The following ADAMTS6 variants were observed in gnomAD, a reference collection of about 807,000 sequenced individuals.
ADAMTS6 encodes the protein A disintegrin and metalloproteinase with thrombospondin motifs 6.
A neutral mutation model predicts 144.3 loss-of-function variants in ADAMTS6; 23 were observed. The ratio of observed to expected loss-of-function variants is 0.16; its 90% CI spans 0.11 to 0.23. ADAMTS6 has a LOEUF of 0.23. ADAMTS6 is among the 10% of genes least tolerant of loss of function. ADAMTS6 has a pLI of 1.00. For synonymous variants in ADAMTS6, 444 were observed against 457.5 expected (o/e 0.97, Z 0.38); for missense variants, 999 against 1,379.6 (o/e 0.72, Z 4.37).
intron 11 of ADAMTS6, among the ~76,000 whole-genome samples, chr5:65,273,984 C>T (rs1249586666): frequency 6.6e-6 from 1 of 152,058 alleles, no homozygotes; most frequent in Non-Finnish European, 1.5e-5. Context: ...TTCATATACG[C>T]CTAGGCACAA....
chr5:65,380,275 TAAAA>T (rs142370196), intron 7 of ADAMTS6, among the ~76,000 whole-genome samples: 1,859 of 152,078 alleles, frequency 0.012, 23 homozygotes, highest in East Asian at 0.077. Flanking sequence ...ATACTACCTT[TAAAA>T]ATATACTGGG....
At chr5:65,263,504 AAAGTAATGCC>A (rs1761374512) in intron 12 of ADAMTS6, among the ~76,000 whole-genome samples, 1 of 152,080 alleles carries the variant, frequency 6.6e-6, no homozygotes, top group Non-Finnish European at 1.5e-5. Flanking sequence ...AGACATAATA[AAAGTAATGCC>A]AAGACATTAG....
At chr5:65,373,753 T>A (rs1406474783) in intron 7 of ADAMTS6, among the ~76,000 whole-genome samples, 1 of 152,174 alleles carries the variant, frequency 6.6e-6, no homozygotes, top group Non-Finnish European at 1.5e-5. Flanking sequence ...CCGTAACTCA[T>A]TTTATGAGGC....
At chr5:65,382,318 A>C (rs1205629422) in intron 7 of ADAMTS6, among the ~76,000 whole-genome samples, 1 of 152,222 alleles carries the variant, frequency 6.6e-6, no homozygotes, top group Non-Finnish European at 1.5e-5. Flanking sequence ...ATTAGTCATT[A>C]CCTGACTTGG....
intron 7 of ADAMTS6, among the ~76,000 whole-genome samples, chr5:65,347,361 A>G (rs747651343): frequency 7.2e-5 from 11 of 152,068 alleles, no homozygotes; most frequent in Non-Finnish European, 1.3e-4. Context: ...TTTATACTCA[A>G]TTGATCTTTG....
At chr5:65,478,548 T>C (rs1237373017) in intron 1 of ADAMTS6, among the ~76,000 whole-genome samples, 1 of 152,200 alleles carries the variant, frequency 6.6e-6, no homozygotes, top group Admixed American at 6.5e-5. Context: ...ACGTAAAGTG[T>C]CTCTGTACTT....
intron 7 of ADAMTS6, among the ~76,000 whole-genome samples, chr5:65,339,575 G>C (rs1346388297): frequency 6.6e-6 from 1 of 151,300 alleles, no homozygotes; most frequent in Non-Finnish European, 1.5e-5. Context: ...CTTAAGGAAA[G>C]TGAGATATAA....
At chr5:65,271,604 G>T (rs957233902) in intron 12 of ADAMTS6, among the ~76,000 whole-genome samples, 1 of 152,052 alleles carries the variant, frequency 6.6e-6, no homozygotes, top group South Asian at 2.1e-4. Flanking sequence ...TATTAAATAC[G>T]TATTTACAAT....
chr5:65,261,506 A>T (rs1467441015), intron 13 of ADAMTS6, among the ~76,000 whole-genome samples: 2 of 152,214 alleles, frequency 1.3e-5, no homozygotes, highest in Admixed American at 6.6e-5. Context: ...AGTTGAACTT[A>T]CGTTAGTTAT....
intron 7 of ADAMTS6, among the ~76,000 whole-genome samples, chr5:65,334,902 A>G (rs1452117927): frequency 6.6e-6 from 1 of 152,180 alleles, no homozygotes; most frequent in Non-Finnish European, 1.5e-5. Context: ...AAGTTTCTAA[A>G]GTGAGAGTAA....
At chr5:65,352,858 T>A (rs540114369) in intron 7 of ADAMTS6, among the ~76,000 whole-genome samples, 102 of 152,164 alleles carry the variant, frequency 6.7e-4, no homozygotes, top group African/African-American at 2.4e-3. Context: ...TATTTACCAA[T>A]AAATCCACCC....
At chr5:65,285,637 AG>A (rs1220237749) in intron 11 of ADAMTS6, among the ~76,000 whole-genome samples, 1 of 152,166 alleles carries the variant, frequency 6.6e-6, no homozygotes, top group Non-Finnish European at 1.5e-5. Context: ...AATACTTTCT[AG>A]GGGGGAAAGT....
intron 7 of ADAMTS6, among the ~76,000 whole-genome samples, chr5:65,351,776 C>A (rs1748865804): frequency 6.7e-6 from 1 of 150,178 alleles, no homozygotes; most frequent in South Asian, 2.1e-4. Context: ...CCAGCTCAGG[C>A]AACACAGAGA....
intron 7 of ADAMTS6, among the ~76,000 whole-genome samples, chr5:65,428,544 AG>A (rs1249356819): frequency 1.3e-5 from 2 of 152,224 alleles, no homozygotes; most frequent in Non-Finnish European, 2.9e-5. Flanking sequence ...AGGAAAAACC[AG>A]GGGGACCTTC....
At chr5:65,162,940 C>G (rs1752878047) in intron 24 of ADAMTS6, among the ~76,000 whole-genome samples, 1 of 152,106 alleles carries the variant, frequency 6.6e-6, no homozygotes, top group Non-Finnish European at 1.5e-5. Context: ...GACAGAGTCT[C>G]AGTCTGTTGC....
At chr5:65,335,705 A>G (rs538244998) in intron 7 of ADAMTS6, among the ~76,000 whole-genome samples, 2 of 152,290 alleles carry the variant, frequency 1.3e-5, no homozygotes, top group East Asian at 3.9e-4. Flanking sequence ...GAAATAAAAC[A>G]CAAGTGATAT....
At chr5:65,236,594 T>C (rs1038505263) in intron 15 of ADAMTS6, among the ~76,000 whole-genome samples, 8 of 152,174 alleles carry the variant, frequency 5.3e-5, no homozygotes, top group Non-Finnish European at 1.2e-4. Flanking sequence ...GCCCATTCTC[T>C]AATCTTAATG....
At chr5:65,473,217 G>A (rs1760600217) in intron 2 of ADAMTS6, among the ~76,000 whole-genome samples, 1 of 151,966 alleles carries the variant, frequency 6.6e-6, no homozygotes, top group Non-Finnish European at 1.5e-5. Flanking sequence ...AATTTATCTG[G>A]TTTCTTCTTC....
chr5:65,460,129 T>C lies in ADAMTS6; in HGVS notation c.631+41A>G, dbSNP rs1759533543. On this transcript the variant is annotated intron_variant, in intron 4 of 24. Coordinates refer to ENST00000381055, the MANE Select transcript of ADAMTS6 (RefSeq NM_197941.4). ...TGCCAGAAGAAAGAAAAAGCAGCAA[T>C]CCAGTACAATACGCTTTGTAAAAGC... The C allele has an allele frequency of 1.3e-5, 21 of 1,601,090 alleles. 1 individual carries two copies. In the East Asian group the frequency reaches 4.7e-4, roughly 36 times the overall value.
Sources: gnomAD v4.1 joint callset for allele counts (sites outside exome capture counted in the v4.1 genomes callset) on GRCh38, gnomAD v4.1.1 for gene constraint, MANE v1.5 for transcripts, NCBI Gene and HGNC (gene_info 2026-07-23, HGNC 2026-07-21) for gene names.